The following RPTOR variants were observed in gnomAD, a reference collection of about 807,000 sequenced individuals.
RPTOR encodes the protein regulatory-associated protein of mTOR.
RPTOR carries 21 observed loss-of-function variants against 169.9 expected under a neutral mutation model. That is an observed-to-expected ratio of 0.12 (90% CI 0.09 to 0.18). The LOEUF (loss-of-function observed/expected upper bound fraction) is 0.18, where lower values mean the gene tolerates loss of function less well. RPTOR is among the 10% of genes least tolerant of loss of function. The probability of loss-of-function intolerance (pLI) is 1.00; values close to 1 mark genes in which losing one functional copy is unlikely to be tolerated. For missense variants in RPTOR, 1,133 were observed against 1,855.9 expected (o/e 0.61, Z 7.16); for synonymous variants, 732 against 753.2 (o/e 0.97, Z 0.46).
In RPTOR at chr17:80,803,855, A is replaced by G. The variant is rs1314480840; in HGVS notation, c.890+12346A>G. ...ATTGGGCAGCCTGATGAGGCCCATG[A>G]AGAGGCAACACTGGAACTGAGACCA... On this transcript the variant is annotated intron_variant, in intron 7 of 33. Transcript: ENST00000306801. This position sits in a 1 kb window ranked among gnomAD's most constrained non-coding sequence, Gnocchi z 6.2. The G allele has an allele frequency of 6.6e-6, 1 of 152,262 alleles. No homozygotes were observed. Among genetic ancestry groups the G allele is most frequent in the Non-Finnish European group, 1.5e-5 (1 of 68,088 alleles). 9.4% of individuals were successfully genotyped at this position (152,262 alleles called of 1,614,324 possible).
chr17:80,915,412 T>C (rs1334147699), intron 21 of RPTOR, among the ~76,000 whole-genome samples: 4 of 25,156 alleles, frequency 1.6e-4, no homozygotes, highest in African/African-American at 1.8e-4. Flanking sequence ...CAGAGAGGAG[T>C]TAACCACTCC....
intron 13 of RPTOR, among the ~76,000 whole-genome samples, chr17:80,875,963 A>G (rs1235391377): frequency 3.1e-5 from 1 of 32,520 alleles, no homozygotes; most frequent in Non-Finnish European, 5.5e-5. Context: ...GGGTCTTCAC[A>G]CCGAGCCCAT....
intron 29 of RPTOR, among the ~76,000 whole-genome samples, chr17:80,958,993 C>T (rs754230752): frequency 3.3e-5 from 5 of 152,214 alleles, no homozygotes; most frequent in Admixed American, 2.0e-4. Context: ...CCGGGCAGGC[C>T]ATCTGGTGTC....
chr17:80,884,002 C>T (rs778901094), intron 16 of RPTOR, 30 bp downstream of exon 16: 1 of 1,592,246 alleles, frequency 6.3e-7, no homozygotes, highest in Non-Finnish European at 8.6e-7. Context: ...AGAGTCCAGT[C>T]CTCCTGGCTG....
At chr17:80,939,178 G>A (rs1302286396) in intron 24 of RPTOR, among the ~76,000 whole-genome samples, 1 of 152,218 alleles carries the variant, frequency 6.6e-6, no homozygotes, top group African/African-American at 2.4e-5. Context: ...GCAAGGAACA[G>A]AATTAGCCAG....
chr17:80,545,889 C>T, intron 1 of RPTOR, 98 bp downstream of exon 1: 1 of 1,042,694 alleles, frequency 9.6e-7, no homozygotes, highest in Non-Finnish European at 1.4e-6. Flanking sequence ...CCGACATTTC[C>T]CCCTAGCCAC....
intron 7 of RPTOR, among the ~76,000 whole-genome samples, chr17:80,795,680 C>T (rs1444631823): frequency 6.6e-6 from 1 of 151,964 alleles, no homozygotes; most frequent in Admixed American, 6.5e-5. Flanking sequence ...AGAATATGGA[C>T]GTTGGAGTCC....
At chr17:80,822,396 GAGT>G in intron 8 of RPTOR, 95 bp downstream of exon 8, 9 of 1,215,824 alleles carry the variant, frequency 7.4e-6, no homozygotes, top group Non-Finnish European at 1.1e-5. Context: ...TAGGATCCGT[GAGT>G]GCCTCCCTAG....
chr17:80,673,744 G>T (rs1318463406), intron 3 of RPTOR, among the ~76,000 whole-genome samples: 2 of 152,200 alleles, frequency 1.3e-5, no homozygotes, highest in Admixed American at 6.5e-5. Context: ...ATTTGTTTGA[G>T]ATTTCTGTCT....
Position 80,859,275 on chromosome 17 carries a change from G to A in RPTOR, c.1509+1375G>A, listed in dbSNP as rs77207013. 8.0e-3 allele frequency among the ~76,000 whole-genome samples: 1,221 copies of A among 152,350 alleles called. 18 individuals carry two copies. The highest frequency in any genetic ancestry group is 0.028 in the African/African-American group (1,181 of 41,576). On this transcript the variant is annotated intron_variant, in intron 13 of 33. Coordinates refer to ENST00000306801, the MANE Select transcript of RPTOR (RefSeq NM_020761.3). ...GCGGGAGAACTCTCGAAAGCTCCTC[G>A]TGTGACACAGTGGAGAGGAGAGCTG...
chr17:80,963,224 T>C (rs1261073730), intron 33 of RPTOR, among the ~76,000 whole-genome samples, 167 bp downstream of exon 33: 4 of 152,076 alleles, frequency 2.6e-5, no homozygotes, highest in Non-Finnish European at 4.4e-5. Flanking sequence ...CTAGGGCCCC[T>C]GCCCCACCCT....
At chr17:80,817,471 G>A (rs1233008376) in intron 7 of RPTOR, among the ~76,000 whole-genome samples, 1 of 152,070 alleles carries the variant, frequency 6.6e-6, no homozygotes, top group Non-Finnish European at 1.5e-5. Flanking sequence ...CGAGAATCCA[G>A]GTGAGAGCAG....
At chr17:80,884,944 C>T (rs2143843777) in intron 16 of RPTOR, 64 bp from the exon 17 acceptor site, 2 of 1,552,082 alleles carry the variant, frequency 1.3e-6, no homozygotes, top group East Asian at 2.3e-5. Context: ...ACAGCCCTGG[C>T]AGAAAGGCAG....
At chr17:80,694,668 G>A (rs1014438521) in intron 3 of RPTOR, among the ~76,000 whole-genome samples, 3 of 152,210 alleles carry the variant, frequency 2.0e-5, no homozygotes, top group Non-Finnish European at 4.4e-5. Context: ...TGGTAGCTCC[G>A]CACTTAAGTA....
At chr17:80,705,824 C>T (rs753841314) in intron 3 of RPTOR, among the ~76,000 whole-genome samples, 2 of 152,126 alleles carry the variant, frequency 1.3e-5, no homozygotes, top group African/African-American at 2.4e-5. Context: ...TGTGAGCCCC[C>T]GTGTCCGGCA....
chr17:80,875,790 T>C (rs1274558250), intron 13 of RPTOR, among the ~76,000 whole-genome samples: 2 of 141,820 alleles, frequency 1.4e-5, no homozygotes, highest in Non-Finnish European at 3.1e-5. Context: ...CCACGCAGGG[T>C]GTGTGTGTCG....
At position 80,902,357 on chromosome 17, in the gene RPTOR, G is replaced by A. The variant is rs115805942; in HGVS notation, c.2402-6454G>A. The stretch of plus-strand genomic sequence containing the variant: ...AGCAGCCGCTCCACTGCACCTGCCC[G>A]CAGCACCCCTGGCTGGCCCCTGGCC... On this transcript the variant is annotated intron_variant, in intron 20 of 33. Transcript: ENST00000306801. Among the ~76,000 whole-genome samples, 764 of 152,330 alleles carry A rather than the reference G, an allele frequency of 5.0e-3. 7 individuals carry two copies. The highest frequency in any genetic ancestry group is 0.017 in the African/African-American group (724 of 41,578).
chr17:80,843,947 G>A (rs1202526649), intron 10 of RPTOR, among the ~76,000 whole-genome samples: 1 of 152,136 alleles, frequency 6.6e-6, no homozygotes, highest in Admixed American at 6.5e-5. Flanking sequence ...AATCGCCCTG[G>A]GAGAGCCAGG....
intron 4 of RPTOR, among the ~76,000 whole-genome samples, chr17:80,719,766 C>T (rs996740124): frequency 1.3e-5 from 2 of 152,200 alleles, no homozygotes; most frequent in African/African-American, 4.8e-5. Context: ...CGGGAGTATA[C>T]ATCACCAGTA....
Sources: gnomAD v4.1 joint callset for allele counts (sites outside exome capture counted in the v4.1 genomes callset) on GRCh38, gnomAD v4.1.1 for gene constraint, Gnocchi (gnomAD v3.1) non-coding constraint, MANE v1.5 for transcripts, NCBI Gene and HGNC (gene_info 2026-07-23, HGNC 2026-07-21) for gene names.